The following RXRA variants were observed in gnomAD, a reference collection of about 807,000 sequenced individuals.
RXRA encodes retinoic acid receptor RXR-alpha.
In RXRA, 5 loss-of-function variants were observed where a neutral mutation model predicts 44.5. That is an observed-to-expected ratio of 0.11 (90% CI 0.06 to 0.24). RXRA has a LOEUF of 0.24. Ranked by LOEUF, RXRA falls within the 10% of genes least tolerant of loss-of-function variation. The pLI, the probability that RXRA is intolerant of heterozygous loss-of-function variation, is 1.00. For missense variants in RXRA, 412 were observed against 646.5 expected, an observed-to-expected ratio of 0.64 and a Z score of 3.93; for synonymous variants, 291 against 271.4, an observed-to-expected ratio of 1.07 and a Z score of -0.71.
intron 1 of RXRA, among the ~76,000 whole-genome samples, chr9:134,332,944 C>T (rs1461737686): frequency 2.0e-5 from 3 of 152,030 alleles, no homozygotes; most frequent in Non-Finnish European, 4.4e-5. Context: ...TAGGCCAGGT[C>T]CCTGGGCTGG....
Position 134,358,143 on chromosome 9 carries a change from G to A in RXRA, c.28+31484G>A, listed in dbSNP as rs138581586. Among the ~76,000 whole-genome samples the A allele has an allele frequency of 4.5e-3, 686 of 152,354 alleles. 7 individuals carry two copies. Among genetic ancestry groups the A allele is most frequent in the African/African-American group, 0.015 (613 of 41,590 alleles). On this transcript the variant is annotated intron_variant, in intron 1 of 9. Coordinates refer to ENST00000481739, the MANE Select transcript of RXRA (RefSeq NM_002957.6). Reference sequence around the variant, plus strand: ...TGCTGGGTGTGCCACCCAGGCCCCGGCCACCTGCCGAGGACGGAGCCAGGC... The same window carrying A: ...TGCTGGGTGTGCCACCCAGGCCCCGACCACCTGCCGAGGACGGAGCCAGGC...
intron 1 of RXRA, among the ~76,000 whole-genome samples, chr9:134,357,695 T>C (rs140563200): frequency 0.013 from 1,978 of 152,300 alleles, 27 homozygotes; most frequent in Non-Finnish European, 0.018. Context: ...CAGTCAGATA[T>C]GTTACCCAGA....
At chr9:134,408,411 G>C in intron 3 of RXRA, 112 bp downstream of exon 3, 1 of 1,216,572 alleles carries the variant, frequency 8.2e-7, no homozygotes, top group South Asian at 1.6e-5. Context: ...CCCAAGGCCA[G>C]GGTGCAGGGA....
intron 1 of RXRA, among the ~76,000 whole-genome samples, chr9:134,367,048 C>T (rs1042778100): frequency 1.3e-5 from 2 of 152,156 alleles, no homozygotes; most frequent in Non-Finnish European, 2.9e-5. Context: ...TACGGGTCAC[C>T]TCCCGTAACA....
chr9:134,374,917 C>G (rs1487359508), intron 1 of RXRA, among the ~76,000 whole-genome samples: 1 of 152,194 alleles, frequency 6.6e-6, no homozygotes. Context: ...GTACTTGGCA[C>G]CTGCTATGTG....
chr9:134,400,687 A>AG (rs1230083958), intron 1 of RXRA, among the ~76,000 whole-genome samples: 1 of 152,146 alleles, frequency 6.6e-6, no homozygotes, highest in East Asian at 1.9e-4. Flanking sequence ...GGTGCGGGGC[A>AG]GGGGGGCACC....
At chr9:134,379,804 G>C (rs1454536113) in intron 1 of RXRA, 1 of 985,262 alleles carries the variant, frequency 1.0e-6, no homozygotes, top group African/African-American at 1.7e-5. Context: ...ATGGAGCTCA[G>C]TCTTCCCCAG....
chr9:134,415,429 G>A (rs549949282), intron 4 of RXRA, among the ~76,000 whole-genome samples: 3 of 122,770 alleles, frequency 2.4e-5, no homozygotes, highest in Non-Finnish European at 4.8e-5. Context: ...GCACAGATAT[G>A]TTCTCCCACC....
rs755663805 is a variant in RXRA at position 134,434,125 on chromosome 9, G to T, written c.1159G>T (p.Ala387Ser). 1.2e-6 allele frequency: 2 copies of T among 1,613,808 alleles called. No individual in the cohort carries two copies. Among genetic ancestry groups the T allele is most frequent in the South Asian group, 1.1e-5 (1 of 91,080 alleles). ...NPDSKGLSNP[A>S]EVEALREKVY... ...AGACTCCAAGGGGCTCTCGAACCCG[G>T]CCGAGGTGGAGGCGCTGAGGGAGAA... Residue 387 changes from alanine (A) to serine (S), a missense_variant, in exon 9 of 10, where the codon GCC (alanine) becomes TCC (serine). Ala to Ser is a moderately conservative substitution (Grantham distance 99, BLOSUM62 1). This residue lies in a region of RXRA where 141 missense variants were observed against 270.8 expected (regional missense o/e 0.52). Transcript: ENST00000481739.
chr9:134,424,904 C>T (rs973458145), intron 6 of RXRA: 85 of 985,342 alleles, frequency 8.6e-5, no homozygotes, highest in Middle Eastern at 5.2e-4. Context: ...CGCCCAGCTC[C>T]GGCAGGTGCC....
intron 4 of RXRA, 152 bp downstream of exon 4, chr9:134,409,271 CGCGTGGGCACACGTGCGGCCCAGA>C (rs998079628): frequency 5.6e-5 from 42 of 751,470 alleles, no homozygotes; most frequent in South Asian, 3.1e-4. Context: ...CGGGGCCCAG[CGCGTGGGCACACGTGCGGCCCAGA>C]GCGTGGGCAC....
At chr9:134,327,346 A>G (rs1834932958) in intron 1 of RXRA, among the ~76,000 whole-genome samples, 2 of 152,150 alleles carry the variant, frequency 1.3e-5, no homozygotes, top group South Asian at 4.1e-4. Flanking sequence ...GCGTAGGGTC[A>G]GTTTCCCTCC....
chr9:134,434,131 G>T lies in RXRA; in HGVS notation c.1165G>T (p.Val389Leu). 2 of 1,613,842 alleles carry T rather than the reference G, an allele frequency of 1.2e-6. No homozygotes were observed. Among genetic ancestry groups the T allele is most frequent in the Non-Finnish European group, 1.7e-6 (2 of 1,179,918 alleles). ...CAAGGGGCTCTCGAACCCGGCCGAG[G>T]TGGAGGCGCTGAGGGAGAAGGTCTA... The part of the protein sequence containing the change: ...DSKGLSNPAE[V>L]EALREKVYAS... The change falls in exon 9 of 10, where the codon GTG becomes TTG. Residue 389 changes from valine (V) to leucine (L), a missense_variant. By Grantham distance (32) the Val-to-Leu change is conservative (BLOSUM62 1). Transcript: ENST00000481739.
chr9:134,357,006 C>T (rs1432971539), intron 1 of RXRA, among the ~76,000 whole-genome samples: 1 of 152,244 alleles, frequency 6.6e-6, no homozygotes, highest in Non-Finnish European at 1.5e-5. Context: ...CAGAGGCCCC[C>T]AGGCAGAGCC....
chr9:134,394,749 C>T (rs752658308), intron 1 of RXRA, among the ~76,000 whole-genome samples: 6 of 152,184 alleles, frequency 3.9e-5, no homozygotes, highest in Non-Finnish European at 7.4e-5. Flanking sequence ...CCCAGTCTCC[C>T]CTTGTGCCAG....
At chr9:134,435,846 C>T (rs142684078) in intron 9 of RXRA, among the ~76,000 whole-genome samples, 45 of 152,298 alleles carry the variant, frequency 3.0e-4, no homozygotes, top group African/African-American at 8.7e-4. Flanking sequence ...TACTCACACC[C>T]GCTCCCGGCT....
intron 1 of RXRA, chr9:134,372,154 G>T (rs1830498564): frequency 6.6e-6 from 1 of 152,220 alleles, no homozygotes; most frequent in African/African-American, 2.4e-5. Context: ...GGAGAGGGGT[G>T]AGGATGGGTT....
chr9:134,330,622 C>T (rs1834989144), intron 1 of RXRA, among the ~76,000 whole-genome samples: 1 of 152,210 alleles, frequency 6.6e-6, no homozygotes, highest in Non-Finnish European at 1.5e-5. Flanking sequence ...CTCTCCTCTG[C>T]CCCCTCCCAT....
At chr9:134,326,788 G>T in intron 1 of RXRA, 129 bp downstream of exon 1, 2 of 191,014 alleles carry the variant, frequency 1.0e-5, no homozygotes, top group South Asian at 3.2e-4. Flanking sequence ...ACCCCTCGCC[G>T]ACCTTCGCGT....
Sources: gnomAD v4.1 joint callset for allele counts (sites outside exome capture counted in the v4.1 genomes callset) on GRCh38, gnomAD v4.1.1 for gene constraint, gnomAD v4.1.1 regional missense constraint, MANE v1.5 for transcripts, NCBI Gene and HGNC (gene_info 2026-07-23, HGNC 2026-07-21) for gene names.